PIWIL4: variants seen among roughly 807,000 people sequenced by gnomAD.
PIWIL4 encodes the protein piwi like RNA-mediated gene silencing 4, also known as piwi-like protein 4.
A neutral mutation model predicts 100.9 loss-of-function variants in PIWIL4; 50 were observed. The ratio of observed to expected loss-of-function variants is 0.50; its 90% CI spans 0.39 to 0.63. The LOEUF (loss-of-function observed/expected upper bound fraction) is 0.63. Among genes scored for constraint, PIWIL4 ranks in the 20% least tolerant of loss-of-function variants. PIWIL4 has a pLI of 0.00. For synonymous variants in PIWIL4, 342 were observed against 367.5 expected (o/e 0.93, Z 0.79); for missense variants, 887 against 1,043.3 (o/e 0.85, Z 2.06).
Position 94,618,086 on chromosome 11 carries a change from C to T in PIWIL4, c.2147C>T (p.Ala716Val), listed in dbSNP as rs1948865679. Residue 716 changes from alanine to valine, a missense_variant, in exon 17 of 20, where the codon GCA becomes GTA. Ala to Val is a moderately conservative substitution (Grantham distance 64). This residue lies in a region of PIWIL4 where 741 missense variants were observed against 930.0 expected (regional missense o/e 0.80). Coordinates refer to ENST00000299001, the MANE Select transcript of PIWIL4 (RefSeq NM_152431.3). ...YEVPQLLSSV[A>V]ESSSNTSSRL... The stretch of plus-strand genomic sequence containing the variant: ...GTCCCACAGCTGCTGAGCAGTGTGG[C>T]AGAATCCAGCTCAAATACCAGGTAT... 1 of 1,578,974 alleles carries T rather than the reference C, an allele frequency of 6.3e-7. No homozygotes were observed. Among genetic ancestry groups the T allele is most frequent in the Non-Finnish European group, 8.6e-7 (1 of 1,159,666 alleles).
At chr11:94,574,199 T>C (rs1948203844) in intron 2 of PIWIL4, among the ~76,000 whole-genome samples, 1 of 152,258 alleles carries the variant, frequency 6.6e-6, no homozygotes, top group Non-Finnish European at 1.5e-5. Context: ...CAGTAAGTGA[T>C]ATGCCCTGAG....
At chr11:94,594,007 A>C (rs1473078120) in intron 9 of PIWIL4, among the ~76,000 whole-genome samples, 1 of 152,164 alleles carries the variant, frequency 6.6e-6, no homozygotes, top group African/African-American at 2.4e-5. Flanking sequence ...AATTTTCAGA[A>C]TATAATCCTC....
chr11:94,589,307 G>A, intron 8 of PIWIL4, 75 bp downstream of exon 8: 3 of 1,294,574 alleles, frequency 2.3e-6, no homozygotes, highest in Non-Finnish European at 3.3e-6. Flanking sequence ...AAGTCTCAGA[G>A]GTCCCCCAGA....
intron 15 of PIWIL4, among the ~76,000 whole-genome samples, chr11:94,615,626 CA>C (rs943284521): frequency 6.6e-6 from 1 of 151,760 alleles, no homozygotes; most frequent in Non-Finnish European, 1.5e-5. Context: ...TTGTTTTTTA[CA>C]AAAAAACAAA....
rs1198427132 is a variant in PIWIL4 at position 94,608,570 on chromosome 11, T to C, written c.1840-13T>C. 6.2e-7 allele frequency: 1 copy of C among 1,608,924 alleles called. No homozygotes were observed. The highest frequency in any genetic ancestry group is 8.5e-7 in the Non-Finnish European group (1 of 1,175,752). Reference sequence around the variant, plus strand: ...CCTCATCCCATTAAATCATGACAAATTTAATTTTATAGTTAAAGTCCCTGA... The same window carrying C: ...CCTCATCCCATTAAATCATGACAAACTTAATTTTATAGTTAAAGTCCCTGA... On this transcript the variant is annotated splice_polypyrimidine_tract_variant and intron_variant, in intron 14 of 19. Transcript: ENST00000299001.
At chr11:94,618,315 CT>C (rs1276521995) in intron 17 of PIWIL4, among the ~76,000 whole-genome samples, 1 of 152,088 alleles carries the variant, frequency 6.6e-6, no homozygotes, top group Non-Finnish European at 1.5e-5. Context: ...GTGGTATAAG[CT>C]TTGGGGGCCC....
intron 9 of PIWIL4, among the ~76,000 whole-genome samples, chr11:94,594,449 G>C (rs1948528116): frequency 6.9e-6 from 1 of 145,054 alleles, no homozygotes; most frequent in Non-Finnish European, 1.5e-5. Context: ...CTGAGTGACA[G>C]AGCAAGACTC....
At chr11:94,617,885 A>T in intron 16 of PIWIL4, 69 bp from the exon 17 acceptor site, 1 of 1,530,558 alleles carries the variant, frequency 6.5e-7, no homozygotes, top group Middle Eastern at 1.7e-4. Flanking sequence ...ACACTGCAAT[A>T]TATGGGAATG....
chr11:94,567,627 C>A (rs1268479600), intron 1 of PIWIL4, 22 bp downstream of exon 1: 1 of 1,569,674 alleles, frequency 6.4e-7, no homozygotes, highest in South Asian at 1.2e-5. Flanking sequence ...GCTTATTGCG[C>A]ATGGTTTCGT....
At chr11:94,580,890 CT>C (rs956802836) in intron 4 of PIWIL4, among the ~76,000 whole-genome samples, 1,498 of 79,030 alleles carry the variant, frequency 0.019, 9 homozygotes, top group African/African-American at 0.075. Flanking sequence ...CTCTGCCAGG[CT>C]TTTTTTTTTT....
rs756349584 is a variant in PIWIL4 at position 94,617,905 on chromosome 11, G to T, written c.2015-49G>T. The stretch of plus-strand genomic sequence containing the variant: ...GCAATATATGGGAATGTTATTTTTT[G>T]TTGGCATTAGAAAAGTAATTCTTTT... On this transcript the variant is annotated intron_variant, in intron 16 of 19. Coordinates refer to ENST00000299001, the MANE Select transcript of PIWIL4 (RefSeq NM_152431.3). 1.7e-5 allele frequency: 27 copies of T among 1,580,542 alleles called. No homozygotes were observed. The Admixed American group carries it at 3.5e-4, about 21-fold the overall frequency.
chr11:94,568,778 T>C lies in PIWIL4; in HGVS notation c.136T>C (p.Phe46Leu). The change falls in exon 2 of 20, where the codon TTC becomes CTC. Residue 46 changes from phenylalanine (F) to leucine (L), a missense_variant. Around this residue, in one of 2 missense-constraint regions of PIWIL4, gnomAD observed 146 missense variants for 113.4 expected, o/e 1.29. Transcript: ENST00000299001. Reference sequence around the variant, plus strand: ...CAATGAAGCATCCTCTAGCAATGGCTTCTTGGGAACAAGCAGGATCTCAAC... The same window carrying C: ...CAATGAAGCATCCTCTAGCAATGGCCTCTTGGGAACAAGCAGGATCTCAAC... ...SNNEASSSNGFLGTSRISTND... is the reference protein window; with the variant it reads ...SNNEASSSNGLLGTSRISTND... 6.2e-7 allele frequency: 1 copy of C among 1,609,610 alleles called. No individual in the cohort carries two copies. Among genetic ancestry groups the C allele is most frequent in the Non-Finnish European group, 8.5e-7 (1 of 1,175,922 alleles).
At chr11:94,599,001 C>G (rs957122075) in intron 11 of PIWIL4, among the ~76,000 whole-genome samples, 3 of 152,140 alleles carry the variant, frequency 2.0e-5, no homozygotes, top group African/African-American at 7.2e-5. Flanking sequence ...AGCCACCATG[C>G]CTGGCCTTGT....
At chr11:94,598,996 C>T (rs1392232915) in intron 11 of PIWIL4, among the ~76,000 whole-genome samples, 1 of 152,194 alleles carries the variant, frequency 6.6e-6, no homozygotes, top group Non-Finnish European at 1.5e-5. Flanking sequence ...ACATGAGCCA[C>T]CATGCCTGGC....
At chr11:94,584,704 GAT>G (rs1948374680) in intron 5 of PIWIL4, among the ~76,000 whole-genome samples, 1 of 152,188 alleles carries the variant, frequency 6.6e-6, no homozygotes, top group African/African-American at 2.4e-5. Flanking sequence ...AGGTGACCAG[GAT>G]TACTTGCTGA....
chr11:94,575,776 C>T (rs1418391152), intron 3 of PIWIL4, among the ~76,000 whole-genome samples: 1 of 152,206 alleles, frequency 6.6e-6, no homozygotes, highest in East Asian at 1.9e-4. Flanking sequence ...ATGCGATTCA[C>T]CTCACCTGAT....
chr11:94,583,042 A>ATGTGTGTGTGTGTGTGTG (rs112392209), intron 4 of PIWIL4, among the ~76,000 whole-genome samples: 7 of 140,312 alleles, frequency 5.0e-5, no homozygotes, highest in African/African-American at 1.8e-4. Context: ...GTATATATAT[A>ATGTGTGTGTGTGTGTGTG]TATGTGTGTG....
At chr11:94,581,506 G>A (rs573160563) in intron 4 of PIWIL4, among the ~76,000 whole-genome samples, 4 of 152,276 alleles carry the variant, frequency 2.6e-5, no homozygotes, top group Admixed American at 1.3e-4. Context: ...GATTTCAAAG[G>A]TAAAGAGAAC....
chr11:94,597,449 C>T (rs1424581159), intron 10 of PIWIL4, among the ~76,000 whole-genome samples: 4 of 152,198 alleles, frequency 2.6e-5, no homozygotes, highest in Non-Finnish European at 5.9e-5. Context: ...ATCAATCCTA[C>T]GAAGTAGGTG....
Sources: gnomAD v4.1 joint callset for allele counts (sites outside exome capture counted in the v4.1 genomes callset) on GRCh38, gnomAD v4.1.1 for gene constraint, gnomAD v4.1.1 regional missense constraint, MANE v1.5 for transcripts, NCBI Gene and HGNC (gene_info 2026-07-23, HGNC 2026-07-21) for gene names.